The following IL1RAPL1 variants were observed in gnomAD, a reference collection of about 807,000 sequenced individuals.
IL1RAPL1 encodes the protein interleukin-1 receptor accessory protein-like 1.
A neutral mutation model predicts 48.4 loss-of-function variants in IL1RAPL1; 3 were observed. The observed-to-expected ratio is 0.06, with a 90% CI of 0.03 to 0.16. The LOEUF is 0.16. Ranked by LOEUF, IL1RAPL1 falls within the 10% of genes least tolerant of loss-of-function variation. The pLI is 1.00. For synonymous variants in IL1RAPL1, 185 were observed against 187.7 expected (o/e 0.99, Z 0.12); for missense variants, 349 against 530.6 (o/e 0.66, Z 3.36).
At chrX:29,272,472 A>G (rs1932056038) in intron 2 of IL1RAPL1, among the ~76,000 whole-genome samples, 1 of 111,574 alleles carries the variant, frequency 9.0e-6, no homozygotes, top group South Asian at 3.7e-4. Context: ...ACAATTCTGA[A>G]TATAGGCCCC....
chrX:29,587,084 A>G (rs1455904468), intron 5 of IL1RAPL1, among the ~76,000 whole-genome samples: 2 of 111,299 alleles, frequency 1.8e-5, no homozygotes, highest in Non-Finnish European at 3.8e-5. Context: ...ATCGTTAGCC[A>G]TGAAATTCAC....
chrX:29,895,395 A>G (rs1020470566), intron 6 of IL1RAPL1, among the ~76,000 whole-genome samples: 3 of 110,568 alleles, frequency 2.7e-5, no homozygotes, highest in Admixed American at 9.6e-5. Context: ...TACTAAAAAT[A>G]CAAAAATTAG....
chrX:29,920,182 GT>G (rs1932834436), intron 8 of IL1RAPL1, 88 bp downstream of exon 8: 1 of 1,085,293 alleles, frequency 9.2e-7, no homozygotes, highest in Admixed American at 2.2e-5. Flanking sequence ...ATTTAGTTTT[GT>G]TTTTCTCCAC....
intron 2 of IL1RAPL1, among the ~76,000 whole-genome samples, chrX:28,814,099 C>T (rs4893589): frequency 0.46 from 49,912 of 109,009 alleles, 8,326 homozygotes; most frequent in Middle Eastern, 0.62. Context: ...CAAATTGCTC[C>T]TCCTAATGAG....
intron 2 of IL1RAPL1, among the ~76,000 whole-genome samples, chrX:28,819,339 T>C (rs1936904029): frequency 9.0e-6 from 1 of 111,402 alleles, no homozygotes; most frequent in African/African-American, 3.2e-5. Context: ...GATAATTATA[T>C]GGAGCAAGCT....
intron 1 of IL1RAPL1, among the ~76,000 whole-genome samples, chrX:28,759,134 A>G (rs1302823247): frequency 2.7e-5 from 3 of 111,036 alleles, no homozygotes; most frequent in East Asian, 2.8e-4. Flanking sequence ...GCTACTCAGG[A>G]AGCTGAGGCA....
intron 1 of IL1RAPL1, among the ~76,000 whole-genome samples, chrX:28,620,020 T>G (rs1188201546): frequency 1.8e-5 from 2 of 111,109 alleles, no homozygotes; most frequent in Non-Finnish European, 3.8e-5. Context: ...TCTATGTCTC[T>G]TACATGGATA....
chrX:29,099,528 G>C (rs985405831), intron 2 of IL1RAPL1, among the ~76,000 whole-genome samples: 1 of 111,866 alleles, frequency 8.9e-6, no homozygotes, highest in Non-Finnish European at 1.9e-5. Flanking sequence ...GAATCTGAAG[G>C]CAAGTTTCAT....
rs1381778386 is a variant in IL1RAPL1, at chrX:29,955,854, T to C, written c.*34T>C. On this transcript the variant is annotated 3_prime_UTR_variant, in exon 11 of 11. Coordinates refer to ENST00000378993, the MANE Select transcript of IL1RAPL1 (RefSeq NM_014271.4). ...CAAGGGACATCCCGTCCCTGGGAGG[T>C]TGAGTGGAATCTGCAGTCCAGTGCC... 9.1e-7 allele frequency: 1 copy of C among 1,097,056 alleles called. No homozygotes were observed. The highest frequency in any genetic ancestry group is 1.9e-5 in the South Asian group (1 of 53,968). 90.4% of individuals were successfully genotyped at this position (1,097,056 alleles called of 1,213,427 possible).
intron 2 of IL1RAPL1, among the ~76,000 whole-genome samples, chrX:28,851,279 G>A (rs749073504): frequency 1.8e-5 from 2 of 109,874 alleles, no homozygotes; most frequent in African/African-American, 3.3e-5. Context: ...GGTTGTAGGA[G>A]GCAGCAGTTA....
At chrX:28,813,178 G>A (rs1473729086) in intron 2 of IL1RAPL1, among the ~76,000 whole-genome samples, 1 of 111,296 alleles carries the variant, frequency 9.0e-6, no homozygotes, top group Non-Finnish European at 1.9e-5. Context: ...TCTAACATAT[G>A]CATGCAGCAC....
intron 5 of IL1RAPL1, among the ~76,000 whole-genome samples, chrX:29,596,742 C>A (rs572988153): frequency 2.7e-5 from 3 of 111,800 alleles, no homozygotes; most frequent in African/African-American, 9.7e-5. Flanking sequence ...TGTCTGATTG[C>A]GCTGGCTGGG....
chrX:28,804,293 C>T (rs1936704812), intron 2 of IL1RAPL1, among the ~76,000 whole-genome samples: 1 of 111,791 alleles, frequency 8.9e-6, no homozygotes, highest in Non-Finnish European at 1.9e-5. Flanking sequence ...GATGAACAAT[C>T]TACCACCTCT....
At chrX:29,076,364 C>T (rs1288012221) in intron 2 of IL1RAPL1, among the ~76,000 whole-genome samples, 1 of 111,782 alleles carries the variant, frequency 8.9e-6, no homozygotes, top group Non-Finnish European at 1.9e-5. Context: ...TAGTGTATAC[C>T]TACCTCCAAA....
intron 5 of IL1RAPL1, among the ~76,000 whole-genome samples, chrX:29,664,075 G>A (rs1004693590): frequency 2.7e-5 from 3 of 112,013 alleles, no homozygotes; most frequent in Non-Finnish European, 5.6e-5. Context: ...AACACTAACT[G>A]TGTGAAATCT....
At chrX:29,015,638 G>T (rs1450073634) in intron 2 of IL1RAPL1, among the ~76,000 whole-genome samples, 1 of 110,879 alleles carries the variant, frequency 9.0e-6, no homozygotes, top group African/African-American at 3.3e-5. Context: ...CAGTGTATTT[G>T]CAAGGCCACT....
intron 9 of IL1RAPL1, among the ~76,000 whole-genome samples, chrX:29,946,941 A>G (rs987342199): frequency 1.8e-5 from 2 of 112,346 alleles, no homozygotes; most frequent in Admixed American, 1.9e-4. Flanking sequence ...ACCATTTCCA[A>G]GACCCATTGT....
intron 2 of IL1RAPL1, among the ~76,000 whole-genome samples, chrX:28,918,285 A>G (rs1301185816): frequency 8.9e-6 from 1 of 112,274 alleles, no homozygotes; most frequent in Non-Finnish European, 1.9e-5. Context: ...TATCATATTG[A>G]AACAAAAATT....
chrX:29,418,683 T>G (rs1216798917), intron 5 of IL1RAPL1, among the ~76,000 whole-genome samples: 2 of 111,846 alleles, frequency 1.8e-5, no homozygotes, highest in Non-Finnish European at 3.8e-5. Flanking sequence ...CCATTAATAT[T>G]AAAACAATAT....
Sources: allele counts gnomAD v4.1 joint callset (sites outside exome capture counted in the v4.1 genomes callset), GRCh38; gene constraint gnomAD v4.1.1; transcripts MANE v1.5; gene names NCBI Gene and HGNC (gene_info 2026-07-23, HGNC 2026-07-21).